The following THSD7A variants were observed in gnomAD, a reference collection of about 807,000 sequenced individuals.
THSD7A encodes thrombospondin type 1 domain containing 7A, also known as thrombospondin type-1 domain-containing protein 7A.
A neutral mutation model predicts 231.3 loss-of-function variants in THSD7A; 96 were observed. The ratio of observed to expected loss-of-function variants is 0.41; its 90% CI spans 0.35 to 0.49. The LOEUF is 0.49. THSD7A is among the 20% of genes least tolerant of loss of function. The probability of loss-of-function intolerance (pLI) is 0.05; values close to 1 mark genes in which losing one functional copy is unlikely to be tolerated. For synonymous variants in THSD7A, 940 were observed against 743.3 expected (o/e 1.26, Z -4.30); for missense variants, 2,290 against 2,070.2 (o/e 1.11, Z -2.06).
At chr7:11,568,503 T>C (rs1372479525) in intron 4 of THSD7A, among the ~76,000 whole-genome samples, 2 of 151,692 alleles carry the variant, frequency 1.3e-5, no homozygotes, top group African/African-American at 4.8e-5. Context: ...CAGGTGCCTG[T>C]AGTCCCAGCT....
intron 2 of THSD7A, among the ~76,000 whole-genome samples, chr7:11,604,334 C>G (rs1780666907): frequency 6.6e-6 from 1 of 152,066 alleles, no homozygotes; most frequent in African/African-American, 2.4e-5. Flanking sequence ...CATTGAATGT[C>G]TACAAAGAAC....
chr7:11,643,451 G>A (rs1015859136), intron 1 of THSD7A, among the ~76,000 whole-genome samples: 3 of 152,104 alleles, frequency 2.0e-5, no homozygotes, highest in South Asian at 2.1e-4. Context: ...CCTAGTCATC[G>A]TATTTTGCTG....
intron 2 of THSD7A, among the ~76,000 whole-genome samples, chr7:11,607,980 G>A (rs942896086): frequency 7.9e-5 from 12 of 152,036 alleles, no homozygotes; most frequent in Admixed American, 6.6e-4. Context: ...AAACTGCTAC[G>A]GTAATGAGGC....
chr7:11,379,585 C>G (rs930059685), intron 25 of THSD7A, 45 bp downstream of exon 25: 114 of 1,498,468 alleles, frequency 7.6e-5, no homozygotes, highest in Non-Finnish European at 9.8e-5. Flanking sequence ...AGTGGGGTGA[C>G]ACATGATGGA....
chr7:11,438,895 C>A (rs567002513), intron 13 of THSD7A, among the ~76,000 whole-genome samples: 1 of 151,930 alleles, frequency 6.6e-6, no homozygotes, highest in African/African-American at 2.4e-5. Context: ...TCTAGATGAA[C>A]TGAAAAAGAC....
intron 1 of THSD7A, among the ~76,000 whole-genome samples, chr7:11,678,145 A>G (rs1783716186): frequency 6.6e-6 from 1 of 152,194 alleles, no homozygotes; most frequent in African/African-American, 2.4e-5. Context: ...TTTGAAACCA[A>G]TGAGAACAAG....
At chr7:11,784,966 T>A (rs548778370) in intron 1 of THSD7A, among the ~76,000 whole-genome samples, 3 of 152,118 alleles carry the variant, frequency 2.0e-5, no homozygotes, top group Admixed American at 1.3e-4. Context: ...ACTTAAAGCA[T>A]CTGAGATGGA....
chr7:11,552,295 T>C (rs1260592564), intron 4 of THSD7A, among the ~76,000 whole-genome samples: 11 of 151,998 alleles, frequency 7.2e-5, no homozygotes, highest in Non-Finnish European at 1.6e-4. Context: ...AACCTGTACA[T>C]ATATCCCTGA....
intron 1 of THSD7A, among the ~76,000 whole-genome samples, chr7:11,665,286 A>G (rs535226778): frequency 6.6e-6 from 1 of 152,152 alleles, no homozygotes; most frequent in African/African-American, 2.4e-5. Flanking sequence ...GTTCCTGCCC[A>G]TTAATGTTAA....
intron 1 of THSD7A, among the ~76,000 whole-genome samples, chr7:11,748,087 T>A (rs1385051506): frequency 6.6e-6 from 1 of 151,960 alleles, no homozygotes; most frequent in Non-Finnish European, 1.5e-5. Flanking sequence ...ATTTCTTGTA[T>A]TTTTAAAGAG....
intron 6 of THSD7A, among the ~76,000 whole-genome samples, chr7:11,483,895 G>A (rs1786535926): frequency 6.6e-6 from 1 of 152,028 alleles, no homozygotes; most frequent in Non-Finnish European, 1.5e-5. Flanking sequence ...TTGCTACAAG[G>A]GTGCCATTAG....
At chr7:11,438,606 ATAT>A (rs1184190246) in intron 13 of THSD7A, among the ~76,000 whole-genome samples, 8 of 152,066 alleles carry the variant, frequency 5.3e-5, no homozygotes, top group Admixed American at 3.3e-4. Flanking sequence ...TGTTAAAGAG[ATAT>A]TATATTAATA....
chr7:11,621,264 A>G (rs536686300), intron 2 of THSD7A, among the ~76,000 whole-genome samples: 3 of 152,204 alleles, frequency 2.0e-5, no homozygotes, highest in Non-Finnish European at 2.9e-5. Flanking sequence ...GACATAATCC[A>G]TTATACGTTT....
At chr7:11,450,931 T>G (rs142233531) in intron 11 of THSD7A, among the ~76,000 whole-genome samples, 51 of 152,146 alleles carry the variant, frequency 3.4e-4, no homozygotes, top group African/African-American at 1.2e-3. Context: ...AATTCCATAT[T>G]TAACTCTGTT....
intron 1 of THSD7A, among the ~76,000 whole-genome samples, chr7:11,703,169 T>C (rs1180157058): frequency 6.6e-6 from 1 of 151,246 alleles, no homozygotes; most frequent in Non-Finnish European, 1.5e-5. Context: ...CGTGTGTTGT[T>C]GCACACAACC....
chr7:11,686,159 G>A (rs1374823498), intron 1 of THSD7A, among the ~76,000 whole-genome samples: 5 of 151,702 alleles, frequency 3.3e-5, no homozygotes, highest in African/African-American at 1.2e-4. Context: ...ATAAAGATGG[G>A]AACAATAGAC....
chr7:11,472,779 C>G (rs895181173), intron 8 of THSD7A, among the ~76,000 whole-genome samples: 1 of 152,206 alleles, frequency 6.6e-6, no homozygotes, highest in Non-Finnish European at 1.5e-5. Context: ...AAAACAGCAA[C>G]ATTTGAAAGG....
At chr7:11,557,851 A>C (rs907810536) in intron 4 of THSD7A, among the ~76,000 whole-genome samples, 1 of 152,126 alleles carries the variant, frequency 6.6e-6, no homozygotes, top group Non-Finnish European at 1.5e-5. Context: ...CTTCTCTAAC[A>C]CCACCTAGTG....
At chr7:11,734,616 A>G (rs1583237675) in intron 1 of THSD7A, among the ~76,000 whole-genome samples, 1 of 151,902 alleles carries the variant, frequency 6.6e-6, no homozygotes, top group African/African-American at 2.4e-5. Flanking sequence ...AAACACCTGT[A>G]GTATTCTTTT....
Sources: allele counts gnomAD v4.1 joint callset (sites outside exome capture counted in the v4.1 genomes callset), GRCh38; gene constraint gnomAD v4.1.1; transcripts MANE v1.5; gene names NCBI Gene and HGNC (gene_info 2026-07-23, HGNC 2026-07-21).